Variants in FAM193A observed in about 807,000 individuals in gnomAD.
FAM193A encodes the protein protein FAM193A.
FAM193A carries 22 observed loss-of-function variants against 126.5 expected under a neutral mutation model. The ratio of observed to expected loss-of-function variants is 0.17; its 90% CI spans 0.12 to 0.25. The LOEUF (loss-of-function observed/expected upper bound fraction) is 0.25, where lower values mean the gene tolerates loss of function less well. Ranked by LOEUF, FAM193A falls within the 10% of genes least tolerant of loss-of-function variation. FAM193A has a pLI of 1.00. For synonymous variants in FAM193A, 761 were observed against 646.8 expected, an observed-to-expected ratio of 1.18 and a Z score of -2.68; for missense variants, 1,675 against 1,672.8, an observed-to-expected ratio of 1.00 and a Z score of -0.02.
At chr4:2,603,829 C>A (rs1342549295) in intron 2 of FAM193A, among the ~76,000 whole-genome samples, 1 of 151,744 alleles carries the variant, frequency 6.6e-6, no homozygotes, top group East Asian at 1.9e-4. Context: ...TATCCAAACA[C>A]ATATCTCTTG....
At position 2,664,559 on chromosome 4, in the gene FAM193A, T is replaced by TTTC. The variant is rs1712880774; in HGVS notation, c.2079+1273_2079+1274insCTT. Among the ~76,000 whole-genome samples, 3 of 47,638 alleles carry TTTC rather than the reference T, an allele frequency of 6.3e-5. No homozygotes were observed. In the South Asian group the frequency reaches 2.0e-3, roughly 32 times the overall value. 31.3% of individuals were successfully genotyped at this position (47,638 alleles called of 152,430 possible). On this transcript the variant is annotated intron_variant, in intron 12 of 20. Transcript: ENST00000637812. ...CCTTTCTCTCTCTCTATTTTCTTTC[T>TTTC]TTTTTTTTTTTTTTTTTTTTTTTTT... is the stretch of plus-strand genomic sequence containing the variant.
At chr4:2,607,131 CTG>C (rs1741595723) in intron 2 of FAM193A, among the ~76,000 whole-genome samples, 1 of 152,228 alleles carries the variant, frequency 6.6e-6, no homozygotes. Flanking sequence ...AATAAATGCT[CTG>C]TGTATACTTC....
intron 2 of FAM193A, among the ~76,000 whole-genome samples, chr4:2,604,964 ATT>A (rs112923916): frequency 6.8e-5 from 9 of 132,816 alleles, no homozygotes; most frequent in Admixed American, 2.3e-4. Context: ...GTCCTGGATG[ATT>A]TTTTTTTTTT....
intron 18 of FAM193A, among the ~76,000 whole-genome samples, chr4:2,699,446 C>CCCCCCCA (rs748329252): frequency 2.9e-5 from 3 of 103,542 alleles, no homozygotes; most frequent in African/African-American, 1.0e-4. Flanking sequence ...ACCCCCCCCC[C>CCCCCCCA]CACACACACA....
chr4:2,539,594 A>G (rs1489493577), intron 1 of FAM193A, among the ~76,000 whole-genome samples: 1 of 151,944 alleles, frequency 6.6e-6, no homozygotes, highest in Non-Finnish European at 1.5e-5. Flanking sequence ...TAATATAGAT[A>G]CAGGGTCTCA....
At position 2,625,605 on chromosome 4, in the gene FAM193A, A is replaced by G. The variant is rs1264320591; in HGVS notation, c.635+210A>G. The G allele has an allele frequency of 1.2e-5, 5 of 409,758 alleles. No individual in the cohort carries two copies. In the Admixed American group the frequency reaches 1.7e-4, roughly 14 times the overall value. The allele number at this position is 409,758 out of a possible 1,614,324, so 25.4% of individuals were successfully genotyped here. A position where few individuals can be genotyped will look rare whatever the true frequency, so the allele number is the denominator to read the frequency against. ...CTAGGAAGCATCCTCAGAACAAGAG[A>G]AGGAGTCCTTAAATAATCAGAATCT... On this transcript the variant is annotated intron_variant, in intron 3 of 20. Coordinates refer to ENST00000637812, the MANE Select transcript of FAM193A (RefSeq NM_001366318.2).
intron 1 of FAM193A, among the ~76,000 whole-genome samples, chr4:2,572,244 G>T (rs867581550): frequency 6.7e-6 from 1 of 150,072 alleles, no homozygotes; most frequent in Non-Finnish European, 1.5e-5. Flanking sequence ...CAGGAGAATC[G>T]CTTGAACCTG....
At chr4:2,618,178 TG>T (rs1455875383) in intron 2 of FAM193A, among the ~76,000 whole-genome samples, 1 of 152,210 alleles carries the variant, frequency 6.6e-6, no homozygotes, top group Non-Finnish European at 1.5e-5. Flanking sequence ...ACTTTGTCAC[TG>T]GTTTTCAGCA....
At chr4:2,601,751 A>G (rs185960080) in intron 2 of FAM193A, among the ~76,000 whole-genome samples, 5 of 152,196 alleles carry the variant, frequency 3.3e-5, no homozygotes, top group African/African-American at 9.6e-5. Context: ...ATAAACCAAA[A>G]AAAAGTCTTG....
intron 2 of FAM193A, among the ~76,000 whole-genome samples, chr4:2,623,767 G>A (rs569039056): frequency 7.9e-5 from 12 of 152,334 alleles, no homozygotes; most frequent in African/African-American, 2.6e-4. Context: ...AGGGGTTGGT[G>A]AGGAGAGCAC....
At chr4:2,568,861 T>C (rs1332149104) in intron 1 of FAM193A, among the ~76,000 whole-genome samples, 1 of 152,182 alleles carries the variant, frequency 6.6e-6, no homozygotes, top group African/African-American at 2.4e-5. Flanking sequence ...GTTCTTTTCC[T>C]TTTCCTTTGG....
intron 10 of FAM193A, among the ~76,000 whole-genome samples, 169 bp downstream of exon 10, chr4:2,660,223 C>T (rs942643155): frequency 1.2e-4 from 18 of 151,940 alleles, no homozygotes; most frequent in African/African-American, 4.1e-4. Context: ...TAAACCCAAA[C>T]TTTTAACACT....
chr4:2,545,869 G>T (rs977407020), intron 1 of FAM193A, among the ~76,000 whole-genome samples: 1 of 152,136 alleles, frequency 6.6e-6, no homozygotes, highest in African/African-American at 2.4e-5. Flanking sequence ...AAAATTTAAG[G>T]CCAGGTGCGG....
At chr4:2,672,879 C>T (rs1014007193) in intron 13 of FAM193A, among the ~76,000 whole-genome samples, 6 of 152,222 alleles carry the variant, frequency 3.9e-5, no homozygotes, top group South Asian at 2.1e-4. Flanking sequence ...AAAACTATAA[C>T]GCCCTGCAGG....
chr4:2,689,666 A>C lies in FAM193A; in HGVS notation c.2492A>C (p.Asn831Thr), dbSNP rs1252375428. Reference sequence around the variant, plus strand: ...GGATCAGAAGTGATGAATGATAAGAACTGGAATCCTGGCACTTTCTTGCCA... The same window carrying C: ...GGATCAGAAGTGATGAATGATAAGACCTGGAATCCTGGCACTTTCTTGCCA... ...LWGSEVMNDK[N>T]WNPGTFLPDT... is the part of the protein sequence containing the mutation. The change falls in exon 14 of 21, where the codon AAC (asparagine) becomes ACC (threonine). Residue 831 changes from asparagine to threonine, a missense_variant. Coordinates refer to ENST00000637812, the MANE Select transcript of FAM193A (RefSeq NM_001366318.2). The C allele has an allele frequency of 4.4e-6, 7 of 1,574,650 alleles. No individual in the cohort carries two copies. In the African/African-American group the frequency reaches 9.7e-5, roughly 22 times the overall value.
chr4:2,540,913 A>G lies in FAM193A; in HGVS notation c.255+3743A>G, dbSNP rs1397868750. ...GAGACGGAGGTTGCAGTGAGCCCAG[A>G]TCACATCACTACACTCTAGCCTGGG... On this transcript the variant is annotated intron_variant, in intron 1 of 20. Coordinates refer to ENST00000637812, the MANE Select transcript of FAM193A (RefSeq NM_001366318.2). Among the ~76,000 whole-genome samples the G allele has an allele frequency of 2.6e-5, 4 of 150,986 alleles. No homozygotes were observed. The Admixed American group carries it at 2.7e-4, about 10-fold the overall frequency.
rs956354904 is a variant in FAM193A, at chr4:2,659,583, G to A, written c.1415G>A (p.Gly472Asp). ...EQLTNKKAVT[G>D]ENNFTDTMRH... The stretch of plus-strand genomic sequence containing the variant: ...TTAACCAATAAGAAAGCAGTTACTG[G>A]CGAGAACAACTTCACAGACACCATG... Residue 472 changes from glycine (G) to aspartate (D), a missense_variant, in exon 9 of 21, where the codon GGC becomes GAC. Around this residue, in one of 4 missense-constraint regions of FAM193A, gnomAD observed 1,186 missense variants for 1,109.2 expected, o/e 1.07. Coordinates refer to ENST00000637812, the MANE Select transcript of FAM193A (RefSeq NM_001366318.2). The A allele has an allele frequency of 2.0e-5, 33 of 1,613,916 alleles. No homozygotes were observed. Among genetic ancestry groups the A allele is most frequent in the Non-Finnish European group, 2.6e-5 (31 of 1,179,938 alleles).
At chr4:2,678,359 G>GTTTTTTTTTTTTTTTTTTTTTT (rs1553907903) in intron 13 of FAM193A, among the ~76,000 whole-genome samples, 1 of 141,698 alleles carries the variant, frequency 7.1e-6, no homozygotes. Flanking sequence ...TGGTTTTGGT[G>GTTTTTTTTTTTTTTTTTTTTTT]GTTTTTTTTT....
chr4:2,659,969 A>G lies in FAM193A; in HGVS notation c.1660A>G (p.Ser554Gly). The G allele has an allele frequency of 6.2e-7, 1 of 1,614,168 alleles. No individual in the cohort carries two copies. The highest frequency in any genetic ancestry group is 8.5e-7 in the Non-Finnish European group (1 of 1,180,034). The change falls in exon 10 of 21, where the codon AGC (serine) becomes GGC (glycine). Residue 554 changes from serine (S) to glycine (G), a missense_variant. Coordinates refer to ENST00000637812, the MANE Select transcript of FAM193A (RefSeq NM_001366318.2). ...GAGCCCGCCCAGTGTGTCATCTGCA[A>G]GCTCGGGGTCCGGCTCCAGCTCTCC... is the stretch of plus-strand genomic sequence containing the variant. ...ERSPPSVSSA[S>G]SGSGSSSPIT...
Sources: allele counts gnomAD v4.1 joint callset (sites outside exome capture counted in the v4.1 genomes callset), GRCh38; gene constraint gnomAD v4.1.1; regional missense constraint gnomAD v4.1.1; transcripts MANE v1.5; gene names NCBI Gene and HGNC (gene_info 2026-07-23, HGNC 2026-07-21).